The following SMARCA5 variants were observed in gnomAD, a reference collection of about 807,000 sequenced individuals.
SMARCA5 encodes the protein SNF2 related chromatin remodeling ATPase 5.
SMARCA5 carries 18 observed loss-of-function variants against 140.4 expected under a neutral mutation model. The observed-to-expected ratio is 0.13, with a 90% confidence interval of 0.09 to 0.19. The LOEUF (loss-of-function observed/expected upper bound fraction) is 0.19. SMARCA5 is among the 10% of genes least tolerant of loss of function. The probability of loss-of-function intolerance (pLI) is 1.00; values close to 1 mark genes in which losing one functional copy is unlikely to be tolerated. For synonymous variants in SMARCA5, 449 were observed against 419.6 expected, an observed-to-expected ratio of 1.07 and a Z score of -0.86; for missense variants, 606 against 1,276.8, an observed-to-expected ratio of 0.47 and a Z score of 8.01.
intron 17 of SMARCA5, 103 bp downstream of exon 17, chr4:143,544,950 T>A: frequency 3.6e-6 from 1 of 278,844 alleles, no homozygotes; most frequent in Non-Finnish European, 6.6e-6. Context: ...TGTGTTTCTT[T>A]TTTTTTTTTT....
intron 14 of SMARCA5, 83 bp from the exon 15 acceptor site, chr4:143,543,426 A>G (rs1229208975): frequency 2.7e-6 from 3 of 1,091,978 alleles, no homozygotes; most frequent in Non-Finnish European, 4.0e-6. Context: ...ATTATAAAGC[A>G]TTAAACCTTA....
intron 7 of SMARCA5, 41 bp from the exon 8 acceptor site, chr4:143,528,542 T>G: frequency 6.3e-7 from 1 of 1,580,814 alleles, no homozygotes; most frequent in Non-Finnish European, 8.6e-7. Context: ...TAATGCAATA[T>G]GCAGAATATT....
At chr4:143,515,713 G>A (rs572275341) in intron 1 of SMARCA5, among the ~76,000 whole-genome samples, 165 of 152,150 alleles carry the variant, frequency 1.1e-3, no homozygotes, top group African/African-American at 3.8e-3. Context: ...TATCACTACC[G>A]TATTAAATTA....
At chr4:143,539,057 G>A in intron 13 of SMARCA5, 119 bp downstream of exon 13, 1 of 860,142 alleles carries the variant, frequency 1.2e-6, no homozygotes, top group Non-Finnish European at 1.8e-6. Context: ...TAATCTAATG[G>A]TTCAGTGAGA....
At position 143,553,445 on chromosome 4, in the gene SMARCA5, TGTA is replaced by T. The variant is rs1412216312; in HGVS notation, c.*264_*266del. ...TGTTTCATTTGATTTATTTTTCTAT[TGTA>T]GTTCCATTTGTGAAGATTGTGACTT... is the stretch of plus-strand genomic sequence containing the variant. On this transcript the variant is annotated 3_prime_UTR_variant, in exon 24 of 24. Coordinates refer to ENST00000283131, the MANE Select transcript of SMARCA5 (RefSeq NM_003601.4). 6 of 324,576 alleles carry T rather than the reference TGTA, an allele frequency of 1.8e-5. No individual in the cohort carries two copies. Among genetic ancestry groups the T allele is most frequent in the African/African-American group, 1.1e-4 (5 of 47,124 alleles). 20.1% of individuals were successfully genotyped at this position (324,576 alleles called of 1,614,324 possible). A position where few individuals can be genotyped will look rare whatever the true frequency, so the allele number is the denominator to read the frequency against.
chr4:143,514,022 A>T lies in SMARCA5; in HGVS notation c.98A>T (p.Asn33Ile), dbSNP rs759962281. 6.4e-7 allele frequency: 1 copy of T among 1,553,604 alleles called. No homozygotes were observed. The highest frequency in any genetic ancestry group is 2.4e-5 in the East Asian group (1 of 41,864). ...GCCAGCGGCGGGAGCAACAGCAGCA[A>T]CAAAGGCGGCCCCGAAGGCGTCGCG... ...SIASGGSNSS[N>I]KGGPEGVAAQ... is the part of the protein sequence containing the mutation. The change falls in exon 1 of 24, where the codon AAC (asparagine) becomes ATC (isoleucine). Residue 33 changes from asparagine (N) to isoleucine (I), a missense_variant. Physicochemically the swap from Asn to Ile is moderately radical, Grantham distance 149. Transcript: ENST00000283131.
intron 6 of SMARCA5, among the ~76,000 whole-genome samples, chr4:143,527,497 C>G (rs964199696): frequency 6.6e-6 from 1 of 152,130 alleles, no homozygotes; most frequent in African/African-American, 2.4e-5. Flanking sequence ...AATGCAGATG[C>G]CTACTACTGC....
chr4:143,536,446 G>C lies in SMARCA5; in HGVS notation c.1269-6G>C, dbSNP rs771953209. ...AGCTCTAAAAATGTTTTTCTTCTTT[G>C]AATAGGTATACTCGGATATTAATGA... is the stretch of plus-strand genomic sequence containing the variant. On this transcript the variant is annotated splice_region_variant and splice_polypyrimidine_tract_variant and intron_variant, in intron 10 of 23. Transcript: ENST00000283131. The C allele has an allele frequency of 1.9e-6, 3 of 1,594,310 alleles. No individual in the cohort carries two copies. The Admixed American group carries it at 5.0e-5, about 27-fold the overall frequency.
At chr4:143,537,776 G>A (rs969207061) in intron 11 of SMARCA5, among the ~76,000 whole-genome samples, 1 of 151,890 alleles carries the variant, frequency 6.6e-6, no homozygotes, top group African/African-American at 2.4e-5. Context: ...AAGTTAGCTG[G>A]GCATGGTGGC....
rs114038113 is a variant in SMARCA5, at chr4:143,526,207, A to G, written c.622-74A>G. 1.3e-3 allele frequency: 1,558 copies of G among 1,159,182 alleles called. 19 individuals are homozygous for G. In the African/African-American group the frequency reaches 0.021, roughly 15 times the overall value. The allele number at this position is 1,159,182 out of a possible 1,614,324, so 71.8% of individuals were successfully genotyped here. On this transcript the variant is annotated intron_variant, in intron 5 of 23. Transcript: ENST00000283131. The stretch of plus-strand genomic sequence containing the variant: ...TGTAGCATTTCTTTTGAACATTTCT[A>G]TATGTTGGGAGGTATAATTGTGAAA...
intron 22 of SMARCA5, among the ~76,000 whole-genome samples, chr4:143,549,275 T>C (rs1737594543): frequency 6.6e-6 from 1 of 152,030 alleles, no homozygotes; most frequent in African/African-American, 2.4e-5. Context: ...TTCTATACAG[T>C]AGTATTTTAA....
chr4:143,530,925 C>T (rs954080933), intron 9 of SMARCA5, among the ~76,000 whole-genome samples: 3 of 152,190 alleles, frequency 2.0e-5, no homozygotes, highest in Admixed American at 1.3e-4. Context: ...AGCAGTCTCT[C>T]CCCATTCAGC....
At chr4:143,519,249 A>G (rs988548060) in intron 2 of SMARCA5, among the ~76,000 whole-genome samples, 4 of 152,120 alleles carry the variant, frequency 2.6e-5, no homozygotes, top group African/African-American at 9.7e-5. Flanking sequence ...TGTTACCTCA[A>G]TGAATGAAAG....
At chr4:143,519,220 T>G (rs1332980496) in intron 2 of SMARCA5, among the ~76,000 whole-genome samples, 1 of 152,128 alleles carries the variant, frequency 6.6e-6, no homozygotes, top group Non-Finnish European at 1.5e-5. Flanking sequence ...ATTCATAATT[T>G]TTACTTAGCA....
chr4:143,518,921 T>A (rs1736898225), intron 2 of SMARCA5, among the ~76,000 whole-genome samples: 1 of 152,104 alleles, frequency 6.6e-6, no homozygotes, highest in Non-Finnish European at 1.5e-5. Flanking sequence ...TTAGTTTTAG[T>A]TTCTTGATTT....
chr4:143,525,209 G>A (rs1187684811), intron 4 of SMARCA5, among the ~76,000 whole-genome samples: 2 of 152,160 alleles, frequency 1.3e-5, no homozygotes, highest in African/African-American at 4.8e-5. Context: ...TAAGAACTGA[G>A]TTGTTGGAGT....
At chr4:143,536,943 A>T (rs1243564366) in intron 11 of SMARCA5, among the ~76,000 whole-genome samples, 3 of 152,242 alleles carry the variant, frequency 2.0e-5, no homozygotes, top group African/African-American at 7.2e-5. Flanking sequence ...CCTAGAAATT[A>T]TAGCTTTCTG....
At position 143,514,092 on chromosome 4, in the gene SMARCA5, C is replaced by G. The variant is rs762027424; in HGVS notation, c.168C>G (p.Ala56=). 3 of 1,548,636 alleles carry G rather than the reference C, an allele frequency of 1.9e-6. No homozygotes were observed. The highest frequency in any genetic ancestry group is 1.2e-5 in the South Asian group (1 of 85,662). Residue 56 remains alanine, a synonymous_variant, in exon 1 of 24, where the codon GCC becomes GCG. Coordinates refer to ENST00000283131, the MANE Select transcript of SMARCA5 (RefSeq NM_003601.4). ...CGGCCAGCGCTGGTCCCGCAGACGCCGAGATGGAGGTGAGGGCGACTTGCG... is the reference window on the plus strand; with the variant it reads ...CGGCCAGCGCTGGTCCCGCAGACGCGGAGATGGAGGTGAGGGCGACTTGCG... ...ASAASAGPAD[A]EMEEIFDDAS... is the part of the protein sequence containing the mutation.
At chr4:143,536,299 C>T (rs979197689) in intron 10 of SMARCA5, among the ~76,000 whole-genome samples, 153 bp from the exon 11 acceptor site, 2 of 152,068 alleles carry the variant, frequency 1.3e-5, no homozygotes, top group Admixed American at 6.6e-5. Context: ...AAAGAGGTTA[C>T]AGATGTTAAA....
Sources: allele counts gnomAD v4.1 joint callset (sites outside exome capture counted in the v4.1 genomes callset), GRCh38; gene constraint gnomAD v4.1.1; transcripts MANE v1.5; gene names NCBI Gene and HGNC (gene_info 2026-07-23, HGNC 2026-07-21).